The following OR56A3 variants were observed in gnomAD, a reference collection of about 807,000 sequenced individuals.
OR56A3 encodes the protein olfactory receptor 56A3.
In OR56A3, 23 loss-of-function variants were observed where a neutral mutation model predicts 17.5. The observed-to-expected ratio is 1.32, with a 90% CI of 0.95 to 1.87. The LOEUF (loss-of-function observed/expected upper bound fraction) is 1.87, where lower values mean the gene tolerates loss of function less well. Among genes scored for constraint, OR56A3 ranks in the 40% most tolerant of loss-of-function variants. The probability of loss-of-function intolerance (pLI) is 0.00; values close to 1 mark genes in which losing one functional copy is unlikely to be tolerated. For missense variants in OR56A3, 366 were observed against 380.1 expected (o/e 0.96, Z 0.31); for synonymous variants, 175 against 150.6 (o/e 1.16, Z -1.19).
chr11:5,997,593 T>C, the OR56A3 span, among the ~76,000 whole-genome samples: 6 of 152,018 alleles, frequency 3.9e-5, no homozygotes, highest in African/African-American at 7.3e-5. Context: ...TAAAATCCAA[T>C]ATTGGGATAG....
the OR56A3 span, among the ~76,000 whole-genome samples, chr11:6,005,173 T>C: frequency 6.6e-6 from 1 of 152,154 alleles, no homozygotes; most frequent in Non-Finnish European, 1.5e-5. Flanking sequence ...ATACGTAACT[T>C]TAGGTGTTAT....
the OR56A3 span, among the ~76,000 whole-genome samples, chr11:6,008,893 G>A: frequency 6.6e-6 from 1 of 151,828 alleles, no homozygotes; most frequent in Non-Finnish European, 1.5e-5. Flanking sequence ...AATCTTCATT[G>A]AGATATTAAT....
the OR56A3 span, chr11:5,986,418 T>G: frequency 6.2e-7 from 1 of 1,613,950 alleles, no homozygotes; most frequent in Non-Finnish European, 8.5e-7. Context: ...TAAGGAGTAG[T>G]AATCCCCTCA....
the OR56A3 span, among the ~76,000 whole-genome samples, chr11:5,979,369 G>GT: frequency 2.1e-5 from 3 of 142,732 alleles, no homozygotes; most frequent in South Asian, 4.7e-4. Flanking sequence ...TGGTTGTTAG[G>GT]TTTTTTTTAT....
the OR56A3 span, among the ~76,000 whole-genome samples, chr11:5,974,921 A>C: frequency 2.4e-4 from 36 of 152,226 alleles, 2 homozygotes; most frequent in East Asian, 5.8e-4. Context: ...TATCAATTGC[A>C]CTATTTTATA....
downstream of OR56A3, among the ~76,000 whole-genome samples, chr11:5,955,117 G>T (rs576459673): frequency 1.3e-5 from 2 of 152,226 alleles, no homozygotes; most frequent in South Asian, 4.1e-4. Context: ...TTTAATCTTG[G>T]AACAGTCATA....
At chr11:6,002,677 T>G in the OR56A3 span, 1 of 1,614,192 alleles carries the variant, frequency 6.2e-7, no homozygotes, top group Non-Finnish European at 8.5e-7. Context: ...CTGTTCATGA[T>G]GAACATCTGG....
chr11:5,946,500 A>G (rs2134361978), intron 2 of OR56A3, among the ~76,000 whole-genome samples: 1 of 152,356 alleles, frequency 6.6e-6, no homozygotes, highest in African/African-American at 2.4e-5. Flanking sequence ...GGAAACTGGA[A>G]GGAGACGGAA....
the OR56A3 span, among the ~76,000 whole-genome samples, chr11:5,960,908 G>C: frequency 1.3e-5 from 2 of 150,752 alleles, no homozygotes; most frequent in Admixed American, 6.6e-5. Flanking sequence ...GCCTCTGCCC[G>C]GCCGTGACCC....
the OR56A3 span, among the ~76,000 whole-genome samples, chr11:6,014,325 T>C: frequency 4.6e-5 from 7 of 152,186 alleles, no homozygotes; most frequent in South Asian, 4.1e-4. Flanking sequence ...TGGGAGACGA[T>C]TGACTCACGG....
chr11:5,977,794 T>C, the OR56A3 span, among the ~76,000 whole-genome samples: 11 of 152,350 alleles, frequency 7.2e-5, no homozygotes, highest in East Asian at 7.7e-4. Context: ...CCAGGGCCTA[T>C]ATCCAGAATG....
the OR56A3 span, among the ~76,000 whole-genome samples, chr11:5,963,460 G>C: frequency 6.6e-6 from 1 of 151,416 alleles, no homozygotes; most frequent in African/African-American, 2.4e-5. Context: ...TTCCTGGTTG[G>C]CAGATTTTTT....
At chr11:5,966,141 C>A in the OR56A3 span, among the ~76,000 whole-genome samples, 2 of 145,048 alleles carry the variant, frequency 1.4e-5, no homozygotes, top group East Asian at 4.1e-4. Flanking sequence ...GAGGCTGAGG[C>A]AGGTGGATCG....
At chr11:5,985,838 C>A in the OR56A3 span, 1 of 1,075,336 alleles carries the variant, frequency 9.3e-7, no homozygotes, top group East Asian at 2.6e-5. Flanking sequence ...AAGGAATACT[C>A]ACTGCAAAAT....
chr11:6,009,869 A>G, the OR56A3 span, among the ~76,000 whole-genome samples: 2 of 152,144 alleles, frequency 1.3e-5, no homozygotes, highest in Middle Eastern at 3.4e-3. Context: ...ATCTATATTG[A>G]ACCTTCTTTT....
the OR56A3 span, among the ~76,000 whole-genome samples, chr11:5,980,182 C>T: frequency 1.3e-5 from 2 of 152,028 alleles, no homozygotes; most frequent in Non-Finnish European, 1.5e-5. Flanking sequence ...GTGGAGTGTT[C>T]TGTAGATGTC....
chr11:5,960,435 T>C, the OR56A3 span, among the ~76,000 whole-genome samples: 4 of 152,210 alleles, frequency 2.6e-5, no homozygotes, highest in Non-Finnish European at 1.5e-5. Flanking sequence ...GGTTGTCGTA[T>C]TTTTTGGTGG....
the OR56A3 span, among the ~76,000 whole-genome samples, chr11:6,009,222 T>C: frequency 6.6e-6 from 1 of 152,340 alleles, no homozygotes; most frequent in Non-Finnish European, 1.5e-5. Flanking sequence ...CGTTGATTTT[T>C]CTTTCCTCAT....
At chr11:5,996,783 C>T in the OR56A3 span, among the ~76,000 whole-genome samples, 73 of 152,198 alleles carry the variant, frequency 4.8e-4, no homozygotes, top group Non-Finnish European at 5.7e-4. Context: ...GGCTTTGTTT[C>T]CAGTTGGTTA....
Sources: gnomAD v4.1 joint callset for allele counts (sites outside exome capture counted in the v4.1 genomes callset) on GRCh38, gnomAD v4.1.1 for gene constraint, MANE v1.5 for transcripts, NCBI Gene and HGNC (gene_info 2026-07-23, HGNC 2026-07-21) for gene names.